Variants in MOXD1 observed in about 807,000 individuals in gnomAD.
MOXD1 encodes the protein DBH-like monooxygenase protein 1.
In MOXD1, 62 loss-of-function variants were observed where a neutral mutation model predicts 66.6. The ratio of observed to expected loss-of-function variants is 0.93; its 90% confidence interval spans 0.76 to 1.15. MOXD1 has a LOEUF of 1.15. MOXD1 is among the 50% of genes most tolerant of loss of function. The pLI, the probability that MOXD1 is intolerant of heterozygous loss-of-function variation, is 0.00. For synonymous variants in MOXD1, 303 were observed against 281.9 expected (o/e 1.07, Z -0.75); for missense variants, 847 against 754.6 (o/e 1.12, Z -1.44).
chr6:132,401,307 G>T lies in MOXD1; in HGVS notation c.120C>A (p.Gly40=). Reference sequence around the variant, plus strand: ...CGATCTGGCTGCCCCGCTGGCTCCAGCCCAGCCAGTACTTGCCCTCCGAGT... The same window carrying T: ...CGATCTGGCTGCCCCGCTGGCTCCATCCCAGCCAGTACTTGCCCTCCGAGT... ...LLDSEGKYWL[G]WSQRGSQIAF... Residue 40 remains glycine (G), a synonymous_variant, in exon 1 of 12, where the codon GGC becomes GGA. Coordinates refer to ENST00000367963, the MANE Select transcript of MOXD1 (RefSeq NM_015529.4). The T allele has an allele frequency of 6.3e-7, 1 of 1,594,732 alleles. No homozygotes were observed. The highest frequency in any genetic ancestry group is 2.3e-5 in the East Asian group (1 of 43,920).
intron 1 of MOXD1, among the ~76,000 whole-genome samples, chr6:132,381,068 T>C (rs1246960776): frequency 6.6e-6 from 1 of 152,250 alleles, no homozygotes; most frequent in Non-Finnish European, 1.5e-5. Flanking sequence ...AGAAGTCATG[T>C]TTCAGAAGGT....
intron 4 of MOXD1, among the ~76,000 whole-genome samples, chr6:132,347,514 C>G (rs906672573): frequency 6.6e-6 from 1 of 151,500 alleles, no homozygotes; most frequent in African/African-American, 2.4e-5. Flanking sequence ...CCATCTCTAC[C>G]AAAAATACAA....
chr6:132,354,953 G>A (rs897632158), intron 4 of MOXD1, among the ~76,000 whole-genome samples: 1 of 152,138 alleles, frequency 6.6e-6, no homozygotes, highest in Non-Finnish European at 1.5e-5. Context: ...AACAGTCACA[G>A]GCCTCACTCA....
intron 4 of MOXD1, among the ~76,000 whole-genome samples, chr6:132,361,255 T>C (rs1776012440): frequency 6.6e-6 from 1 of 152,098 alleles, no homozygotes; most frequent in Non-Finnish European, 1.5e-5. Context: ...CTATCTGAAT[T>C]AGTTCATAAA....
At chr6:132,344,547 A>G in intron 4 of MOXD1, among the ~76,000 whole-genome samples, 1 of 152,224 alleles carries the variant, frequency 6.6e-6, no homozygotes, top group South Asian at 2.1e-4. Context: ...AGTCTTGGAT[A>G]AATCCACAGA....
At chr6:132,318,195 G>A (rs925933036) in intron 9 of MOXD1, among the ~76,000 whole-genome samples, 6 of 151,706 alleles carry the variant, frequency 4.0e-5, no homozygotes, top group African/African-American at 1.5e-4. Context: ...AACACATTCT[G>A]CAAAAGTAAT....
intron 10 of MOXD1, among the ~76,000 whole-genome samples, chr6:132,307,411 A>C (rs1181634188): frequency 6.6e-6 from 1 of 152,198 alleles, no homozygotes; most frequent in Non-Finnish European, 1.5e-5. Flanking sequence ...CTCCCACACA[A>C]TAATAGTGGG....
intron 4 of MOXD1, among the ~76,000 whole-genome samples, chr6:132,345,549 A>G (rs1358810649): frequency 6.6e-6 from 1 of 152,194 alleles, no homozygotes. Flanking sequence ...TATTTCCTTG[A>G]AAACTACATT....
At chr6:132,400,948 G>A (rs919743046) in intron 1 of MOXD1, among the ~76,000 whole-genome samples, 1 of 152,212 alleles carries the variant, frequency 6.6e-6, no homozygotes, top group African/African-American at 2.4e-5. Flanking sequence ...ACCTGCCTGG[G>A]GTCATCCGTG....
intron 1 of MOXD1, among the ~76,000 whole-genome samples, chr6:132,381,435 G>T (rs1776506272): frequency 6.6e-6 from 1 of 151,640 alleles, no homozygotes; most frequent in African/African-American, 2.4e-5. Flanking sequence ...ACAATTAAAT[G>T]AAGTAAAAGA....
At chr6:132,340,165 G>A (rs58201648) in intron 4 of MOXD1, among the ~76,000 whole-genome samples, 6,322 of 152,072 alleles carry the variant, frequency 0.042, 215 homozygotes, top group African/African-American at 0.092. Context: ...TTACAGGTGC[G>A]AGCCACCGCG....
rs1252733570 is a variant in MOXD1, at chr6:132,376,674, C to A, written c.265-1897G>T. Among the ~76,000 whole-genome samples, 3 of 98,906 alleles carry A rather than the reference C, an allele frequency of 3.0e-5. 1 individual carries two copies. The African/African-American group carries it at 3.4e-4, about 11-fold the overall frequency. The allele number at this position is 98,906 out of a possible 152,430, so 64.9% of individuals were successfully genotyped here. A position where few individuals can be genotyped will look rare whatever the true frequency, so the allele number is the denominator to read the frequency against. Reference sequence around the variant, plus strand: ...GACTACAGGCGCCCGCCACTACGCCCGGCTAATTTTTTGTATTTTTAGTAG... The same window carrying A: ...GACTACAGGCGCCCGCCACTACGCCAGGCTAATTTTTTGTATTTTTAGTAG... On this transcript the variant is annotated intron_variant, in intron 1 of 11. Transcript: ENST00000367963.
At chr6:132,301,198 T>TTA (rs34981314) in intron 10 of MOXD1, among the ~76,000 whole-genome samples, 4,342 of 145,852 alleles carry the variant, frequency 0.03, 89 homozygotes, top group Admixed American at 0.065. Context: ...ACGAATGGTA[T>TTA]TATATATATA....
In MOXD1 at chr6:132,401,446, G is replaced by T. The variant is rs1451645021; in HGVS notation, c.-20C>A. The T allele has an allele frequency of 4.8e-6, 7 of 1,467,104 alleles. No homozygotes were observed. The highest frequency in any genetic ancestry group is 6.3e-6 in the Non-Finnish European group (7 of 1,116,104). The allele number at this position is 1,467,104 out of a possible 1,614,324, so 90.9% of individuals were successfully genotyped here. A position where few individuals can be genotyped will look rare whatever the true frequency, so the allele number is the denominator to read the frequency against. On this transcript the variant is annotated 5_prime_UTR_variant, in exon 1 of 12. Transcript: ENST00000367963. ...GCACATCCTCGGGCGCCTCCTGCCC[G>T]CCGGTACCGGCCTCCAGCCGCTGGG...
At chr6:132,352,953 A>C (rs1480254615) in intron 4 of MOXD1, among the ~76,000 whole-genome samples, 1 of 152,164 alleles carries the variant, frequency 6.6e-6, no homozygotes, top group Non-Finnish European at 1.5e-5. Flanking sequence ...ATGTAAGAAT[A>C]GCTACCCCTG....
intron 1 of MOXD1, among the ~76,000 whole-genome samples, chr6:132,399,937 T>C (rs1371394092): frequency 3.3e-5 from 5 of 152,232 alleles, no homozygotes; most frequent in Non-Finnish European, 7.3e-5. Flanking sequence ...TATACATCAG[T>C]GACTTCAGCA....
At chr6:132,394,920 T>G (rs900560594) in intron 1 of MOXD1, among the ~76,000 whole-genome samples, 1 of 152,132 alleles carries the variant, frequency 6.6e-6, no homozygotes, top group Non-Finnish European at 1.5e-5. Context: ...TCCCAAGTCT[T>G]GCAAAAAACT....
intron 4 of MOXD1, among the ~76,000 whole-genome samples, chr6:132,362,056 C>T (rs1054747498): frequency 6.6e-5 from 10 of 151,980 alleles, no homozygotes; most frequent in African/African-American, 2.4e-4. Context: ...TTTATAAAAA[C>T]TATTAAAAAT....
chr6:132,357,848 A>G (rs1487593769), intron 4 of MOXD1, among the ~76,000 whole-genome samples: 1 of 152,178 alleles, frequency 6.6e-6, no homozygotes, highest in African/African-American at 2.4e-5. Flanking sequence ...CTAAATTTCA[A>G]TCTCAATTTC....
Sources: gnomAD v4.1 joint callset for allele counts (sites outside exome capture counted in the v4.1 genomes callset) on GRCh38, gnomAD v4.1.1 for gene constraint, MANE v1.5 for transcripts, NCBI Gene and HGNC (gene_info 2026-07-23, HGNC 2026-07-21) for gene names.